The following FZD3 variants were observed in gnomAD, a reference collection of about 807,000 sequenced individuals.
The protein encoded by FZD3 is frizzled-3.
In FZD3, 30 loss-of-function variants were observed where a neutral mutation model predicts 60.7. The observed-to-expected ratio is 0.49, with a 90% CI of 0.37 to 0.67. The LOEUF is 0.67. Ranked by LOEUF, FZD3 falls within the 30% of genes least tolerant of loss-of-function variation. The pLI is 0.00. For missense variants in FZD3, 605 were observed against 838.7 expected (o/e 0.72, Z 3.44); for synonymous variants, 246 against 275.2 (o/e 0.89, Z 1.05).
In FZD3 at chr8:28,539,608, A is replaced by G. The variant is rs76971779; in HGVS notation, c.1404+11444A>G. 4.3e-4 allele frequency among the ~76,000 whole-genome samples: 65 copies of G among 152,324 alleles called. No homozygotes were observed. The East Asian group carries it at 0.012, about 28-fold the overall frequency. ...ACTGTTGTCACTTACCAGTTGTATGACAGACTCTGTATGAACCTGATGAAT... is the reference window on the plus strand; with the variant it reads ...ACTGTTGTCACTTACCAGTTGTATGGCAGACTCTGTATGAACCTGATGAAT... On this transcript the variant is annotated intron_variant, in intron 5 of 7. Coordinates refer to ENST00000240093, the MANE Select transcript of FZD3 (RefSeq NM_017412.4).
At chr8:28,513,063 A>G (rs1804330373) in intron 3 of FZD3, among the ~76,000 whole-genome samples, 1 of 152,194 alleles carries the variant, frequency 6.6e-6, no homozygotes, top group Admixed American at 6.5e-5. Context: ...GTGGCCTAAG[A>G]AGCCTGGTGT....
intron 1 of FZD3, among the ~76,000 whole-genome samples, chr8:28,496,432 TTTG>T (rs1167606351): frequency 6.6e-6 from 1 of 152,210 alleles, no homozygotes; most frequent in Non-Finnish European, 1.5e-5. Context: ...TGTTTTTGTT[TTTG>T]TTCTTTTTGG....
At chr8:28,552,288 G>A (rs777650126) in intron 6 of FZD3, among the ~76,000 whole-genome samples, 25 of 152,122 alleles carry the variant, frequency 1.6e-4, no homozygotes, top group African/African-American at 3.6e-4. Context: ...AATATAGTAC[G>A]TTAAAGCCAA....
chr8:28,562,457 G>A (rs1805630134), intron 7 of FZD3, among the ~76,000 whole-genome samples: 1 of 152,024 alleles, frequency 6.6e-6, no homozygotes, highest in Admixed American at 6.6e-5. Context: ...TCTATTTGTT[G>A]TTACCCCTCT....
At chr8:28,525,978 A>G (rs1804705240) in intron 4 of FZD3, among the ~76,000 whole-genome samples, 1 of 152,160 alleles carries the variant, frequency 6.6e-6, no homozygotes, top group African/African-American at 2.4e-5. Context: ...AGCTAGAAGT[A>G]TAGAATAACC....
At chr8:28,547,875 C>T (rs1208330059) in intron 5 of FZD3, among the ~76,000 whole-genome samples, 4 of 145,744 alleles carry the variant, frequency 2.7e-5, no homozygotes, top group Non-Finnish European at 4.5e-5. Context: ...TTTTTTGAGA[C>T]GGAGCCTAGC....
At chr8:28,547,330 C>G (rs1355072284) in intron 5 of FZD3, among the ~76,000 whole-genome samples, 1 of 152,152 alleles carries the variant, frequency 6.6e-6, no homozygotes, top group Non-Finnish European at 1.5e-5. Context: ...CATATTGCTT[C>G]TAATATTTTA....
chr8:28,504,245 A>T (rs1402090860), intron 3 of FZD3, among the ~76,000 whole-genome samples: 2 of 152,368 alleles, frequency 1.3e-5, no homozygotes, highest in Admixed American at 6.5e-5. Flanking sequence ...AAAATGCTGT[A>T]GAGGTTGAAC....
chr8:28,555,900 A>T lies in FZD3; in HGVS notation c.1716A>T (p.Arg572Ser). Residue 572 changes from arginine to serine, a missense_variant, in exon 7 of 8, where the codon AGA becomes AGT. By Grantham distance (110) the Arg-to-Ser change is moderately radical. Transcript: ENST00000240093. ...AGCTGGCTATGGTGGATGATCAAAG[A>T]AGCAAAGCAGGAAGCATCCACAGCA... ...STQLAMVDDQ[R>S]SKAGSIHSKV... is the part of the protein sequence containing the mutation. The T allele has an allele frequency of 1.2e-6, 2 of 1,614,146 alleles. No individual in the cohort carries two copies. Among genetic ancestry groups the T allele is most frequent in the Non-Finnish European group, 1.7e-6 (2 of 1,179,986 alleles).
intron 2 of FZD3, among the ~76,000 whole-genome samples, chr8:28,502,161 T>C (rs1804012502): frequency 6.6e-6 from 1 of 152,214 alleles, no homozygotes; most frequent in Admixed American, 6.5e-5. Context: ...ATGTTTATAT[T>C]CACACAGCTA....
rs145041246 is a variant in FZD3 at position 28,522,259 on chromosome 8, A to G, written c.386+1425A>G. Among the ~76,000 whole-genome samples, 697 of 152,002 alleles carry G rather than the reference A, an allele frequency of 4.6e-3. 3 individuals are homozygous for G. The highest frequency in any genetic ancestry group is 7.8e-3 in the Non-Finnish European group (532 of 67,948). On this transcript the variant is annotated intron_variant, in intron 4 of 7. Transcript: ENST00000240093. ...ACCAATTTGTTTTCTTACAAACATT[A>G]TAACAAAATGACATTGAAAAAAAAA...
At chr8:28,508,752 T>A (rs1804208674) in intron 3 of FZD3, among the ~76,000 whole-genome samples, 1 of 152,162 alleles carries the variant, frequency 6.6e-6, no homozygotes, top group Non-Finnish European at 1.5e-5. Context: ...CTCAAACTTT[T>A]GTTCTCAAGC....
At chr8:28,530,594 T>C (rs1804845659) in intron 5 of FZD3, 1 of 152,182 alleles carries the variant, frequency 6.6e-6, no homozygotes, top group South Asian at 2.1e-4. Flanking sequence ...ATACGTTTTT[T>C]AAAAGCCCCT....
At chr8:28,551,077 C>CT (rs1054819813) in intron 5 of FZD3, among the ~76,000 whole-genome samples, 11 of 152,042 alleles carry the variant, frequency 7.2e-5, no homozygotes, top group East Asian at 3.9e-4. Context: ...AAATATCTAT[C>CT]ATCTATCTAG....
chr8:28,499,179 A>G (rs1325704201), intron 1 of FZD3, among the ~76,000 whole-genome samples: 1 of 152,214 alleles, frequency 6.6e-6, no homozygotes, highest in Admixed American at 6.5e-5. Context: ...TCCATAAAGC[A>G]TTTAATATTT....
At position 28,567,556 on chromosome 8, in the gene FZD3, C is replaced by G. The variant is rs1805726385; in HGVS notation, c.*4545C>G. 6.6e-6 allele frequency: 1 copy of G among 152,182 alleles called. No individual in the cohort carries two copies. Among genetic ancestry groups the G allele is most frequent in the Non-Finnish European group, 1.5e-5 (1 of 68,086 alleles). The allele number at this position is 152,182 out of a possible 1,614,324, so 9.4% of individuals were successfully genotyped here. On this transcript the variant is annotated 3_prime_UTR_variant, in exon 8 of 8. Transcript: ENST00000240093. ...GGGATTACAAGCATGAGCCACCATG[C>G]CTGATCCATAAATTGTTCTACTGAT... is the stretch of plus-strand genomic sequence containing the variant.
chr8:28,508,000 C>T (rs1804185278), intron 3 of FZD3, among the ~76,000 whole-genome samples: 1 of 152,010 alleles, frequency 6.6e-6, no homozygotes, highest in Non-Finnish European at 1.5e-5. Flanking sequence ...CAAACAATCC[C>T]CCTACCTCAG....
chr8:28,553,765 C>T (rs1385559352), intron 6 of FZD3, among the ~76,000 whole-genome samples: 2 of 152,082 alleles, frequency 1.3e-5, no homozygotes, highest in Non-Finnish European at 2.9e-5. Context: ...GCGTGGGCAC[C>T]CTTTGGCTAT....
At chr8:28,516,006 G>A (rs909275808) in intron 3 of FZD3, among the ~76,000 whole-genome samples, 2 of 152,104 alleles carry the variant, frequency 1.3e-5, no homozygotes, top group Non-Finnish European at 2.9e-5. Flanking sequence ...ATTTGCCCCT[G>A]TGTTTTCTTC....
Sources: allele counts gnomAD v4.1 joint callset (sites outside exome capture counted in the v4.1 genomes callset), GRCh38; gene constraint gnomAD v4.1.1; transcripts MANE v1.5; gene names NCBI Gene and HGNC (gene_info 2026-07-23, HGNC 2026-07-21).